COG7: variants seen among roughly 807,000 people sequenced by gnomAD.
COG7 encodes component of oligomeric golgi complex 7, also known as conserved oligomeric Golgi complex subunit 7.
Under a neutral mutation model 91.5 loss-of-function variants are expected in COG7, and 49 were observed. The ratio of observed to expected loss-of-function variants is 0.54; its 90% confidence interval spans 0.43 to 0.68. COG7 has a LOEUF of 0.68. COG7 is among the 30% of genes least tolerant of loss of function. The pLI is 0.00. For synonymous variants in COG7, 365 were observed against 388.7 expected, an observed-to-expected ratio of 0.94 and a Z score of 0.72; for missense variants, 895 against 961.3, an observed-to-expected ratio of 0.93 and a Z score of 0.91.
intron 10 of COG7, chr16:23,412,491 T>C (rs1963579880): frequency 6.6e-6 from 1 of 152,252 alleles, no homozygotes; most frequent in Admixed American, 6.5e-5. Context: ...AATCTGGCCA[T>C]AGGCCAACAG....
chr16:23,444,595 C>T (rs552949760), intron 3 of COG7, among the ~76,000 whole-genome samples: 1 of 151,642 alleles, frequency 6.6e-6, no homozygotes, highest in Non-Finnish European at 1.5e-5. Flanking sequence ...CCTTCAACTC[C>T]TGGGCTCAAG....
At chr16:23,390,852 T>C (rs1462266350) in intron 16 of COG7, among the ~76,000 whole-genome samples, 1 of 152,260 alleles carries the variant, frequency 6.6e-6, no homozygotes, top group African/African-American at 2.4e-5. Flanking sequence ...GCCAGGCACG[T>C]ACTTACTCCT....
intron 4 of COG7, among the ~76,000 whole-genome samples, chr16:23,441,559 A>G (rs942442047): frequency 2.6e-5 from 4 of 152,180 alleles, no homozygotes; most frequent in African/African-American, 2.4e-5. Flanking sequence ...TGGGGAACAC[A>G]GCGAGACTTC....
chr16:23,414,415 G>A (rs527727155), intron 9 of COG7: 1 of 152,378 alleles, frequency 6.6e-6, no homozygotes, highest in South Asian at 2.1e-4. Context: ...GACCACTTGT[G>A]CATGGAAGTT....
At chr16:23,413,335 G>A in intron 10 of COG7, 113 bp downstream of exon 10, 1 of 771,380 alleles carries the variant, frequency 1.3e-6, no homozygotes, top group Middle Eastern at 2.3e-4. Flanking sequence ...AAAAGGCAGT[G>A]AAAGAAAAAA....
intron 6 of COG7, among the ~76,000 whole-genome samples, chr16:23,431,611 C>T (rs185642509): frequency 6.7e-6 from 1 of 149,586 alleles, no homozygotes; most frequent in South Asian, 2.1e-4. Flanking sequence ...GAGTTCGAGA[C>T]CAGCCCAGCC....
chr16:23,425,541 T>C (rs1963832885), intron 6 of COG7, among the ~76,000 whole-genome samples: 1 of 152,092 alleles, frequency 6.6e-6, no homozygotes, highest in African/African-American at 2.4e-5. Flanking sequence ...GGTCTCACTA[T>C]GTTGCCCAGG....
intron 4 of COG7, among the ~76,000 whole-genome samples, chr16:23,435,090 G>A (rs891792314): frequency 6.6e-6 from 1 of 152,174 alleles, no homozygotes; most frequent in Non-Finnish European, 1.5e-5. Flanking sequence ...TGGGCTGGTC[G>A]CGGTAGCTCA....
intron 13 of COG7, among the ~76,000 whole-genome samples, chr16:23,401,016 G>T (rs1186876127): frequency 6.6e-6 from 1 of 151,896 alleles, no homozygotes; most frequent in Non-Finnish European, 1.5e-5. Context: ...TCACTTGAGG[G>T]CAATAGGGAA....
rs1596915899 is a variant in COG7 at position 23,403,802 on chromosome 16, A to G, written c.1695T>C (p.Ala565=). The part of the protein sequence containing the change: ...EKGSSNHNLL[A]APRAALTRLN... ...GCCGAGTCAGCGCTGCTCGAGGTGCAGCCAGCAGGTTGTGGTTGCTTGACC... is the reference window on the plus strand; with the variant it reads ...GCCGAGTCAGCGCTGCTCGAGGTGCGGCCAGCAGGTTGTGGTTGCTTGACC... Residue 565 remains alanine (A), a synonymous_variant, in exon 13 of 17, where the codon GCT becomes GCC. Coordinates refer to ENST00000307149, the MANE Select transcript of COG7 (RefSeq NM_153603.4). 6.2e-7 allele frequency: 1 copy of G among 1,614,262 alleles called. No individual in the cohort carries two copies. The highest frequency in any genetic ancestry group is 8.5e-7 in the Non-Finnish European group (1 of 1,180,040).
intron 7 of COG7, 26 bp from the exon 8 acceptor site, chr16:23,418,853 G>A (rs376934637): frequency 8.7e-6 from 14 of 1,608,012 alleles, no homozygotes; most frequent in African/African-American, 4.0e-5. Context: ...AATGTAAAAC[G>A]ATAATGAACA....
intron 8 of COG7, 118 bp downstream of exon 8, chr16:23,418,582 G>A (rs1963694620): frequency 2.4e-6 from 2 of 824,056 alleles, no homozygotes; most frequent in African/African-American, 3.3e-5. Context: ...GAGCCCACAA[G>A]TGCTTAAAGG....
At chr16:23,398,253 C>T (rs112996134) in intron 13 of COG7, 124 bp from the exon 14 acceptor site, 11 of 773,168 alleles carry the variant, frequency 1.4e-5, no homozygotes, top group South Asian at 4.4e-5. Flanking sequence ...TGGAGCTGAC[C>T]GTTGGAGCCT....
intron 5 of COG7, 44 bp from the exon 6 acceptor site, chr16:23,433,711 T>C (rs774247130): frequency 3.1e-6 from 5 of 1,611,536 alleles, no homozygotes; most frequent in East Asian, 2.2e-5. Flanking sequence ...TACGTCAACA[T>C]AGGTTGCCTG....
At chr16:23,409,937 C>A (rs1350553703) in intron 11 of COG7, among the ~76,000 whole-genome samples, 1 of 152,134 alleles carries the variant, frequency 6.6e-6, no homozygotes, top group South Asian at 2.1e-4. Context: ...CTTGTCACAC[C>A]GTTTCTATAT....
intron 3 of COG7, among the ~76,000 whole-genome samples, chr16:23,443,830 T>C (rs1964139954): frequency 6.6e-6 from 1 of 152,096 alleles, no homozygotes; most frequent in East Asian, 1.9e-4. Flanking sequence ...GGGCATAAAG[T>C]TGATAACAGG....
At position 23,440,726 on chromosome 16, in the gene COG7, G is replaced by T. The variant is rs558933526; in HGVS notation, c.604+1751C>A. Among the ~76,000 whole-genome samples the T allele has an allele frequency of 2.0e-5, 3 of 151,910 alleles. No individual in the cohort carries two copies. The South Asian group carries it at 6.3e-4, about 32-fold the overall frequency. On this transcript the variant is annotated intron_variant, in intron 4 of 16. Transcript: ENST00000307149. ...CCCACCTTGACCTCCCAAAGTGCTG[G>T]GATTACAGGCATGAGCCACTGCACC... is the stretch of plus-strand genomic sequence containing the variant.
chr16:23,406,216 G>A lies in COG7; in HGVS notation c.1522C>T (p.Arg508Trp), dbSNP rs140305461. The A allele has an allele frequency of 2.6e-5, 42 of 1,613,792 alleles. No individual in the cohort carries two copies. Among genetic ancestry groups the A allele is most frequent in the East Asian group, 8.9e-5 (4 of 44,904 alleles). ...CTCTCCTGAAAACCAGCCAGGCTCCGGGGGCTGCAGGAATCAGATAGATAC... is the reference window on the plus strand; with the variant it reads ...CTCTCCTGAAAACCAGCCAGGCTCCAGGGGCTGCAGGAATCAGATAGATAC... ...GKYLSDSCSP[R>W]SLAGFQESIL... The change falls in exon 12 of 17, where the codon CGG (arginine) becomes TGG (tryptophan). Residue 508 changes from arginine (R) to tryptophan (W), a missense_variant. Physicochemically the swap from Arg to Trp is moderately radical, Grantham distance 101. Coordinates refer to ENST00000307149, the MANE Select transcript of COG7 (RefSeq NM_153603.4).
At chr16:23,407,069 A>G (rs567665403) in intron 11 of COG7, among the ~76,000 whole-genome samples, 1 of 152,318 alleles carries the variant, frequency 6.6e-6, no homozygotes, top group East Asian at 1.9e-4. Context: ...CTTTTACTGT[A>G]ATTTCTTATG....
Sources: allele counts gnomAD v4.1 joint callset (sites outside exome capture counted in the v4.1 genomes callset), GRCh38; gene constraint gnomAD v4.1.1; transcripts MANE v1.5; gene names NCBI Gene and HGNC (gene_info 2026-07-23, HGNC 2026-07-21).